Variants in PRKG1 observed in about 807,000 individuals in gnomAD.
PRKG1 encodes cGMP-dependent protein kinase 1.
PRKG1 carries 35 observed loss-of-function variants against 88.1 expected under a neutral mutation model. The observed-to-expected ratio is 0.40, with a 90% confidence interval of 0.30 to 0.53. The LOEUF (loss-of-function observed/expected upper bound fraction) is 0.53, where lower values mean the gene tolerates loss of function less well. Among genes scored for constraint, PRKG1 ranks in the 20% least tolerant of loss-of-function variants. The probability of loss-of-function intolerance (pLI) is 0.59; values close to 1 mark genes in which losing one functional copy is unlikely to be tolerated. For missense variants in PRKG1, 540 were observed against 839.8 expected, an observed-to-expected ratio of 0.64 and a Z score of 4.41; for synonymous variants, 303 against 292.5, an observed-to-expected ratio of 1.04 and a Z score of -0.37.
chr10:51,009,927 C>T (rs1035256824), intron 1 of PRKG1, among the ~76,000 whole-genome samples: 7 of 152,314 alleles, frequency 4.6e-5, no homozygotes, highest in South Asian at 2.1e-4. Context: ...GATTCTCATA[C>T]GCCTGCTATC....
intron 7 of PRKG1, among the ~76,000 whole-genome samples, chr10:52,094,687 T>C (rs1447273488): frequency 6.6e-6 from 1 of 152,182 alleles, no homozygotes; most frequent in Non-Finnish European, 1.5e-5. Flanking sequence ...CCTCTCTTCC[T>C]GGCTTGCAGA....
intron 3 of PRKG1, among the ~76,000 whole-genome samples, chr10:51,641,846 C>T (rs970326968): frequency 8.6e-5 from 13 of 152,024 alleles, no homozygotes; most frequent in Admixed American, 2.6e-4. Context: ...TTTGGAACCC[C>T]GTTCTCTTAT....
chr10:51,673,328 T>A (rs1840630250), intron 3 of PRKG1, among the ~76,000 whole-genome samples: 1 of 152,114 alleles, frequency 6.6e-6, no homozygotes, highest in Non-Finnish European at 1.5e-5. Context: ...AAGGCCAACA[T>A]GATAAGATGT....
chr10:51,020,742 G>A (rs1345758171), intron 1 of PRKG1, among the ~76,000 whole-genome samples: 1 of 152,100 alleles, frequency 6.6e-6, no homozygotes, highest in Non-Finnish European at 1.5e-5. Context: ...TTAGTCAGCA[G>A]GATTTTCACC....
chr10:51,756,691 T>C, intron 3 of PRKG1, among the ~76,000 whole-genome samples: 1 of 151,806 alleles, frequency 6.6e-6, no homozygotes, highest in Non-Finnish European at 1.5e-5. Flanking sequence ...GGGGGGCACC[T>C]GTAGTCTCAG....
intron 3 of PRKG1, among the ~76,000 whole-genome samples, chr10:51,597,280 G>A (rs1012164080): frequency 6.6e-6 from 1 of 151,828 alleles, no homozygotes; most frequent in African/African-American, 2.4e-5. Flanking sequence ...TAAAACATTG[G>A]TCATCTGTCC....
At chr10:51,410,280 G>A (rs533981030) in intron 2 of PRKG1, among the ~76,000 whole-genome samples, 145 of 151,560 alleles carry the variant, frequency 9.6e-4, no homozygotes, top group African/African-American at 3.4e-3. Flanking sequence ...ATGTGTGTGT[G>A]TGTGTGTGTG....
chr10:51,125,912 T>C (rs1377749592), intron 1 of PRKG1, among the ~76,000 whole-genome samples: 1 of 134,748 alleles, frequency 7.4e-6, no homozygotes, highest in East Asian at 2.1e-4. Flanking sequence ...AAGTGTGTAA[T>C]TTATAAATAT....
In PRKG1 at chr10:52,171,785, A is replaced by ATTTTT. The variant is rs1358641112; in HGVS notation, c.1076+9822_1076+9823insTTTTT. 6.9e-3 allele frequency among the ~76,000 whole-genome samples: 840 copies of ATTTTT among 122,528 alleles called. 54 individuals are homozygous for ATTTTT. The highest frequency in any genetic ancestry group is 0.029 in the African/African-American group (788 of 27,422). 80.4% of individuals were successfully genotyped at this position (122,528 alleles called of 152,430 possible). On this transcript the variant is annotated intron_variant, in intron 9 of 17. Coordinates refer to ENST00000373980, the MANE Select transcript of PRKG1 (RefSeq NM_006258.4). ...AATAGAAGTATTTTTCTTTTATCAA[A>ATTTTT]ATTTTTTTTTTTTTTTTTTTTTTTT...
intron 3 of PRKG1, among the ~76,000 whole-genome samples, chr10:51,719,556 TAAG>T (rs1333533444): frequency 3.3e-5 from 5 of 152,090 alleles, no homozygotes; most frequent in African/African-American, 1.2e-4. Flanking sequence ...TGGAGAACAC[TAAG>T]GAGATACAAC....
At chr10:51,196,879 A>ATATGAAG (rs1837781644) in intron 2 of PRKG1, among the ~76,000 whole-genome samples, 1 of 152,210 alleles carries the variant, frequency 6.6e-6, no homozygotes, top group South Asian at 2.1e-4. Context: ...GTTTCATAAT[A>ATATGAAG]TATGAATAAC....
At chr10:51,116,813 C>A (rs753823024) in intron 1 of PRKG1, among the ~76,000 whole-genome samples, 1 of 152,026 alleles carries the variant, frequency 6.6e-6, no homozygotes, top group Non-Finnish European at 1.5e-5. Context: ...TATTGAACAG[C>A]GGGGGAATTC....
intron 5 of PRKG1, among the ~76,000 whole-genome samples, chr10:52,006,389 TA>T (rs1387113520): frequency 2.0e-5 from 3 of 152,098 alleles, no homozygotes; most frequent in African/African-American, 7.2e-5. Flanking sequence ...AGAATCATAA[TA>T]AAATGATACA....
chr10:52,256,897 C>T (rs1237755964), intron 10 of PRKG1, among the ~76,000 whole-genome samples: 2 of 139,024 alleles, frequency 1.4e-5, no homozygotes, highest in African/African-American at 5.0e-5. Context: ...ATCCCTTATG[C>T]TGAACCTGTG....
intron 5 of PRKG1, among the ~76,000 whole-genome samples, chr10:51,983,053 C>G (rs1844053964): frequency 6.6e-6 from 1 of 152,052 alleles, no homozygotes; most frequent in African/African-American, 2.4e-5. Flanking sequence ...TCTTTGTGCC[C>G]TCTTTGTGTG....
At chr10:51,485,663 T>C (rs1840512804) in intron 3 of PRKG1, among the ~76,000 whole-genome samples, 1 of 152,212 alleles carries the variant, frequency 6.6e-6, no homozygotes, top group Admixed American at 6.5e-5. Flanking sequence ...CTACTAAATA[T>C]CAGAACATGT....
At chr10:51,342,508 C>T (rs549489172) in intron 2 of PRKG1, among the ~76,000 whole-genome samples, 1 of 152,186 alleles carries the variant, frequency 6.6e-6, no homozygotes, top group African/African-American at 2.4e-5. Flanking sequence ...AGATCAGGAA[C>T]TTGTTTGTTT....
chr10:51,126,780 A>G (rs1332555740), intron 1 of PRKG1, among the ~76,000 whole-genome samples: 1 of 152,086 alleles, frequency 6.6e-6, no homozygotes, highest in East Asian at 1.9e-4. Flanking sequence ...GACCAATAGA[A>G]CAGAAAAGAG....
chr10:51,408,970 A>G (rs10997429), intron 2 of PRKG1, among the ~76,000 whole-genome samples: 18,432 of 152,206 alleles, frequency 0.12, 1,364 homozygotes, highest in Admixed American at 0.24. Flanking sequence ...CAATTTTCCA[A>G]TCATGCTTCT....
Sources: gnomAD v4.1 joint callset for allele counts (sites outside exome capture counted in the v4.1 genomes callset) on GRCh38, gnomAD v4.1.1 for gene constraint, MANE v1.5 for transcripts, NCBI Gene and HGNC (gene_info 2026-07-23, HGNC 2026-07-21) for gene names.